CCDC12: variants seen among roughly 807,000 people sequenced by gnomAD.
CCDC12 encodes the protein coiled-coil domain-containing protein 12.
Under a neutral mutation model 25.7 loss-of-function variants are expected in CCDC12, and 28 were observed. That is an observed-to-expected ratio of 1.09 (90% CI 0.81 to 1.50). The LOEUF is 1.50. CCDC12 is among the 40% of genes most tolerant of loss of function. The pLI, the probability that CCDC12 is intolerant of heterozygous loss-of-function variation, is 0.00. For synonymous variants in CCDC12, 75 were observed against 87.7 expected (o/e 0.86, Z 0.81); for missense variants, 198 against 210.0 (o/e 0.94, Z 0.35).
intron 1 of CCDC12, among the ~76,000 whole-genome samples, chr3:46,964,145 G>A (rs540610640): frequency 2.0e-5 from 3 of 150,784 alleles, no homozygotes; most frequent in South Asian, 2.1e-4. Context: ...CTGCCCGGCC[G>A]CCCCGTCTGA....
At chr3:46,937,220 G>A (rs1414831557) in intron 2 of CCDC12, among the ~76,000 whole-genome samples, 1 of 152,194 alleles carries the variant, frequency 6.6e-6, no homozygotes, top group African/African-American at 2.4e-5. Context: ...TCCCCAACAA[G>A]AGGCTATACC....
At chr3:46,934,110 C>T (rs1432587560) in intron 2 of CCDC12, among the ~76,000 whole-genome samples, 1 of 152,152 alleles carries the variant, frequency 6.6e-6, no homozygotes, top group African/African-American at 2.4e-5. Context: ...AATTTTAAAA[C>T]AGGAGAGGAG....
At chr3:46,976,557 AG>A (rs1428811698) in intron 1 of CCDC12, 79 bp downstream of exon 1, 1 of 1,524,562 alleles carries the variant, frequency 6.6e-7, no homozygotes, top group Non-Finnish European at 8.8e-7. Context: ...TTTCCTTATT[AG>A]CCCTTTGCTC....
At chr3:46,955,012 T>C (rs1277227451) in intron 1 of CCDC12, among the ~76,000 whole-genome samples, 2 of 152,208 alleles carry the variant, frequency 1.3e-5, no homozygotes, top group Non-Finnish European at 2.9e-5. Context: ...CACTGGCTTA[T>C]TCAAAGCCTG....
At chr3:46,959,994 C>T (rs572547956) in intron 1 of CCDC12, among the ~76,000 whole-genome samples, 24 of 152,266 alleles carry the variant, frequency 1.6e-4, no homozygotes, top group South Asian at 2.1e-4. Context: ...GTATGTATAT[C>T]GATACTGGGT....
At chr3:46,976,592 G>A in intron 1 of CCDC12, 45 bp downstream of exon 1, 1 of 1,582,254 alleles carries the variant, frequency 6.3e-7, no homozygotes, top group Non-Finnish European at 8.6e-7. Context: ...CCCGGACCCC[G>A]AACGCTGGAC....
chr3:46,946,493 G>A (rs1183838000), intron 1 of CCDC12, among the ~76,000 whole-genome samples: 1 of 152,252 alleles, frequency 6.6e-6, no homozygotes, highest in Non-Finnish European at 1.5e-5. Context: ...ACAAAGACAT[G>A]AGAGCGGAGC....
intron 2 of CCDC12, among the ~76,000 whole-genome samples, chr3:46,940,288 G>T (rs576405894): frequency 6.6e-6 from 1 of 152,302 alleles, no homozygotes; most frequent in South Asian, 2.1e-4. Flanking sequence ...TCAAGACTGC[G>T]GGGGAAGACC....
chr3:46,943,477 G>A (rs2033792749), intron 1 of CCDC12, among the ~76,000 whole-genome samples: 1 of 152,154 alleles, frequency 6.6e-6, no homozygotes, highest in Admixed American at 6.5e-5. Context: ...GGGCTAGTGG[G>A]GCAAGACCCC....
chr3:46,976,451 A>G, intron 1 of CCDC12, 186 bp downstream of exon 1: 1 of 1,423,862 alleles, frequency 7.0e-7, no homozygotes. Context: ...CCAGCGCCAG[A>G]GGAGTCCCAC....
upstream of CCDC12, chr3:46,979,777 A>C: frequency 2.8e-6 from 1 of 361,330 alleles, no homozygotes; most frequent in Non-Finnish European, 4.9e-6. Context: ...CCCTCCGCCC[A>C]TGGGCCTGGC....
chr3:46,973,613 CTTTTTT>C (rs758663577), intron 1 of CCDC12, among the ~76,000 whole-genome samples: 2 of 97,946 alleles, frequency 2.0e-5, no homozygotes, highest in Non-Finnish European at 2.1e-5. Flanking sequence ...TTCTTCTTTT[CTTTTTT>C]TTTTTTTTTT....
intron 2 of CCDC12, among the ~76,000 whole-genome samples, chr3:46,931,761 T>C (rs1159776091): frequency 6.6e-6 from 1 of 152,194 alleles, no homozygotes; most frequent in Non-Finnish European, 1.5e-5. Context: ...CTCCTCCTAG[T>C]AACAGACCAC....
intron 1 of CCDC12, among the ~76,000 whole-genome samples, chr3:46,961,226 AT>A (rs1405798213): frequency 6.6e-6 from 1 of 152,110 alleles, no homozygotes; most frequent in Admixed American, 6.5e-5. Flanking sequence ...CCAAGATGAT[AT>A]ATGAGACATC....
chr3:46,938,358 G>A (rs1000637676), intron 2 of CCDC12, among the ~76,000 whole-genome samples: 8 of 152,080 alleles, frequency 5.3e-5, no homozygotes, highest in Non-Finnish European at 1.0e-4. Flanking sequence ...CAGGAGCCTG[G>A]AACTACACAT....
intron 4 of CCDC12, 69 bp from the exon 5 acceptor site, chr3:46,923,432 G>C: frequency 3.9e-6 from 6 of 1,553,384 alleles, no homozygotes; most frequent in Non-Finnish European, 5.3e-6. Context: ...GCAGGCTCGA[G>C]AAGGAGGGAA....
At chr3:46,924,781 A>G (rs577217370) in intron 3 of CCDC12, 46 of 153,520 alleles carry the variant, frequency 3.0e-4, no homozygotes, top group African/African-American at 1.0e-3. Flanking sequence ...ATGCCACTGC[A>G]CTCCAGCCTA....
chr3:46,971,307 C>A (rs905236441), intron 1 of CCDC12, among the ~76,000 whole-genome samples: 1 of 152,228 alleles, frequency 6.6e-6, no homozygotes, highest in African/African-American at 2.4e-5. Flanking sequence ...GGCTGACCTA[C>A]AAGATGCTGC....
chr3:46,966,852 A>G (rs906223148), intron 1 of CCDC12, among the ~76,000 whole-genome samples: 4 of 152,156 alleles, frequency 2.6e-5, no homozygotes, highest in Non-Finnish European at 5.9e-5. Context: ...AAGCTCACCT[A>G]TCACCTTGTC....
Sources: gnomAD v4.1 joint callset for allele counts (sites outside exome capture counted in the v4.1 genomes callset) on GRCh38, gnomAD v4.1.1 for gene constraint, MANE v1.5 for transcripts, NCBI Gene and HGNC (gene_info 2026-07-23, HGNC 2026-07-21) for gene names.